Variants in TACR3 observed in about 807,000 individuals in gnomAD.
TACR3 encodes the protein neuromedin-K receptor.
Under a neutral mutation model 35.0 loss-of-function variants are expected in TACR3, and 34 were observed. That is an observed-to-expected ratio of 0.97 (90% CI 0.74 to 1.30). The LOEUF is 1.30. TACR3 is among the 50% of genes most tolerant of loss of function. The probability of loss-of-function intolerance (pLI) is 0.00; values close to 1 mark genes in which losing one functional copy is unlikely to be tolerated. For synonymous variants in TACR3, 233 were observed against 221.1 expected (o/e 1.05, Z -0.48); for missense variants, 558 against 591.7 (o/e 0.94, Z 0.59).
intron 1 of TACR3, among the ~76,000 whole-genome samples, chr4:103,700,750 A>G (rs766823653): frequency 7.9e-5 from 12 of 152,182 alleles, no homozygotes; most frequent in African/African-American, 1.7e-4. Context: ...TTCAACATAC[A>G]CAAATCAATA....
intron 3 of TACR3, among the ~76,000 whole-genome samples, chr4:103,638,809 C>A (rs1276819505): frequency 6.6e-6 from 1 of 152,072 alleles, no homozygotes; most frequent in Non-Finnish European, 1.5e-5. Flanking sequence ...CAAAAGAAGA[C>A]ATTTATGCAG....
rs764458200 is a variant in TACR3 at position 103,719,533 on chromosome 4, G to A, written c.143C>T (p.Ala48Val). 1.2e-6 allele frequency: 2 copies of A among 1,608,136 alleles called. No homozygotes were observed. The highest frequency in any genetic ancestry group is 1.7e-6 in the Non-Finnish European group (2 of 1,175,520). Residue 48 changes from alanine to valine, a missense_variant, in exon 1 of 5, where the codon GCT becomes GTT. Coordinates refer to ENST00000304883, the MANE Select transcript of TACR3 (RefSeq NM_001059.3). ...GGAAGGGGAGGAGGAGAGGTTGCCA[G>A]CTTGGTCCAGCAGTTGCAGCCACCC... ...ETGWLQLLDQ[A>V]GNLSSSPSAL...
intron 1 of TACR3, among the ~76,000 whole-genome samples, chr4:103,659,552 T>G (rs1334332607): frequency 6.6e-6 from 1 of 152,190 alleles, no homozygotes; most frequent in East Asian, 1.9e-4. Flanking sequence ...CAAGTTCGAT[T>G]GAGGCTATGC....
At position 103,719,483 on chromosome 4, in the gene TACR3, G is replaced by C; in HGVS notation, c.193C>G (p.Pro65Ala). 4 of 1,613,264 alleles carry C rather than the reference G, an allele frequency of 2.5e-6. No individual in the cohort carries two copies. The highest frequency in any genetic ancestry group is 3.4e-6 in the Non-Finnish European group (4 of 1,179,254). Residue 65 changes from proline (P) to alanine (A), a missense_variant, in exon 1 of 5, where the codon CCC becomes GCC. Transcript: ENST00000304883. Reference protein sequence around the residue: ...PSALGLPVASPAPSQPWANLT... With the variant: ...PSALGLPVASAAPSQPWANLT... The stretch of plus-strand genomic sequence containing the variant: ...TTGGCCCAGGGCTGGGAGGGCGCGG[G>C]GGAAGCCACAGGCAGTCCCAGCGCG...
intron 1 of TACR3, among the ~76,000 whole-genome samples, chr4:103,702,289 C>T (rs1194429968): frequency 6.6e-6 from 1 of 152,156 alleles, no homozygotes; most frequent in Non-Finnish European, 1.5e-5. Flanking sequence ...AGCCAAAAGA[C>T]ACATGAAAAA....
Position 103,674,211 on chromosome 4 carries a change from C to T in TACR3, c.549-15808G>A, listed in dbSNP as rs369756875. Among the ~76,000 whole-genome samples, 299 of 152,074 alleles carry T rather than the reference C, an allele frequency of 2.0e-3. 1 individual carries two copies. The highest frequency in any genetic ancestry group is 6.9e-3 in the African/African-American group (286 of 41,496). On this transcript the variant is annotated intron_variant, in intron 1 of 4. Transcript: ENST00000304883. ...AGATTTCAAAAACAGTGTTAGAACA[C>T]TTTATGAGTAAAAACTCAGATTACA...
At chr4:103,679,870 T>C (rs151095172) in intron 1 of TACR3, among the ~76,000 whole-genome samples, 368 of 151,964 alleles carry the variant, frequency 2.4e-3, no homozygotes, top group African/African-American at 8.4e-3. Flanking sequence ...TGGAACTACA[T>C]AGAATGCAGA....
At chr4:103,641,089 T>A (rs1390054287) in intron 3 of TACR3, among the ~76,000 whole-genome samples, 1 of 151,958 alleles carries the variant, frequency 6.6e-6, no homozygotes, top group African/African-American at 2.4e-5. Context: ...TATACTATGA[T>A]TTAAGGGTTC....
chr4:103,708,397 G>A lies in TACR3; in HGVS notation c.548+10731C>T, dbSNP rs149540380. ...CACTGCTGATACCCTGGCAAACAGGGTCTGGAGTGGACCTCCAGCAAACAC... is the reference window on the plus strand; with the variant it reads ...CACTGCTGATACCCTGGCAAACAGGATCTGGAGTGGACCTCCAGCAAACAC... On this transcript the variant is annotated intron_variant, in intron 1 of 4. Coordinates refer to ENST00000304883, the MANE Select transcript of TACR3 (RefSeq NM_001059.3). Among the ~76,000 whole-genome samples, 20 of 152,326 alleles carry A rather than the reference G, an allele frequency of 1.3e-4. No homozygotes were observed. In the East Asian group the frequency reaches 3.9e-3, roughly 29 times the overall value.
chr4:103,708,477 A>G (rs1384410060), intron 1 of TACR3, among the ~76,000 whole-genome samples: 1 of 152,332 alleles, frequency 6.6e-6, no homozygotes, highest in East Asian at 1.9e-4. Context: ...AACAAATAGA[A>G]AGGACATCCG....
rs1200347612 is a variant in TACR3 at position 103,591,477 on chromosome 4, T to C, written c.1085+10A>G. 6.2e-7 allele frequency: 1 copy of C among 1,613,650 alleles called. No individual in the cohort carries two copies. Among genetic ancestry groups the C allele is most frequent in the Non-Finnish European group, 8.5e-7 (1 of 1,179,660 alleles). Reference sequence around the variant, plus strand: ...GACAAGCAACTTGCATTTCGTAGTTTTGTTTTTACCTTTTATTCAGACAGC... The same window carrying C: ...GACAAGCAACTTGCATTTCGTAGTTCTGTTTTTACCTTTTATTCAGACAGC... On this transcript the variant is annotated intron_variant, in intron 4 of 4. Coordinates refer to ENST00000304883, the MANE Select transcript of TACR3 (RefSeq NM_001059.3).
chr4:103,590,076 A>T, intron 4 of TACR3, 82 bp from the exon 5 acceptor site: 1 of 1,528,250 alleles, frequency 6.5e-7, no homozygotes, highest in Non-Finnish European at 8.9e-7. Flanking sequence ...AATTCTACCT[A>T]AGGCAGTTAT....
intron 1 of TACR3, among the ~76,000 whole-genome samples, chr4:103,681,948 AAG>A (rs1294681506): frequency 6.6e-6 from 1 of 152,200 alleles, no homozygotes; most frequent in Middle Eastern, 3.2e-3. Context: ...AATAACAGGA[AAG>A]AGAAAAATTT....
intron 3 of TACR3, among the ~76,000 whole-genome samples, chr4:103,629,360 T>G (rs9714830): frequency 0.54 from 81,635 of 151,636 alleles, 22,547 homozygotes; most frequent in African/African-American, 0.62. Context: ...GTCCCTGTTT[T>G]CAGATGACAT....
intron 3 of TACR3, among the ~76,000 whole-genome samples, chr4:103,648,519 C>T (rs77322567): frequency 3.3e-5 from 5 of 151,994 alleles, no homozygotes; most frequent in South Asian, 2.1e-4. Flanking sequence ...AGCTCCCACA[C>T]GTAAGTGGGA....
intron 3 of TACR3, among the ~76,000 whole-genome samples, chr4:103,625,352 T>TA (rs1218583660): frequency 6.6e-6 from 1 of 152,120 alleles, no homozygotes; most frequent in Non-Finnish European, 1.5e-5. Context: ...GGTCCCTTGT[T>TA]ACAAAGATTA....
intron 3 of TACR3, among the ~76,000 whole-genome samples, chr4:103,635,073 C>T (rs965389954): frequency 6.6e-6 from 1 of 151,830 alleles, no homozygotes; most frequent in African/African-American, 2.4e-5. Context: ...GCTGGGTCTG[C>T]GCATACAAGT....
Position 103,716,605 on chromosome 4 carries a change from C to T in TACR3, c.548+2523G>A, listed in dbSNP as rs571838910. Among the ~76,000 whole-genome samples the T allele has an allele frequency of 1.8e-3, 270 of 152,222 alleles. 2 individuals are homozygous for T. The highest frequency in any genetic ancestry group is 6.1e-3 in the African/African-American group (252 of 41,532). On this transcript the variant is annotated intron_variant, in intron 1 of 4. Transcript: ENST00000304883. ...TCTCCATTTGTAAGATACAGGCGTT[C>T]ATTGAGGGAATATCTGTCATTTCTC...
At chr4:103,652,727 T>C (rs1449829147) in intron 3 of TACR3, among the ~76,000 whole-genome samples, 2 of 152,076 alleles carry the variant, frequency 1.3e-5, no homozygotes, top group Non-Finnish European at 2.9e-5. Context: ...TTCCCAATAG[T>C]CATGATTAGT....
Sources: gnomAD v4.1 joint callset for allele counts (sites outside exome capture counted in the v4.1 genomes callset) on GRCh38, gnomAD v4.1.1 for gene constraint, MANE v1.5 for transcripts, NCBI Gene and HGNC (gene_info 2026-07-23, HGNC 2026-07-21) for gene names.